DSCAM: variants seen among roughly 807,000 people sequenced by gnomAD.
DSCAM encodes the protein cell adhesion molecule DSCAM.
In DSCAM, 47 loss-of-function variants were observed where a neutral mutation model predicts 217.7. The ratio of observed to expected loss-of-function variants is 0.22; its 90% CI spans 0.17 to 0.28. DSCAM has a LOEUF of 0.28. Among genes scored for constraint, DSCAM ranks in the 10% least tolerant of loss-of-function variants. The pLI, the probability that DSCAM is intolerant of heterozygous loss-of-function variation, is 1.00. For synonymous variants in DSCAM, 1,056 were observed against 1,015.3 expected (o/e 1.04, Z -0.76); for missense variants, 2,080 against 2,618.3 (o/e 0.79, Z 4.49).
chr21:40,288,322 ACT>A (rs2123423020), intron 10 of DSCAM, among the ~76,000 whole-genome samples: 1 of 152,294 alleles, frequency 6.6e-6, no homozygotes, highest in South Asian at 2.1e-4. Flanking sequence ...GGCTGGGAAG[ACT>A]CAATATTCTA....
intron 8 of DSCAM, among the ~76,000 whole-genome samples, chr21:40,324,711 A>G (rs932401689): frequency 5.3e-5 from 8 of 152,216 alleles, no homozygotes; most frequent in Admixed American, 2.0e-4. Flanking sequence ...CCCCTGGTTG[A>G]GAGCAATAAT....
At chr21:40,111,940 G>A (rs1009873250) in intron 20 of DSCAM, among the ~76,000 whole-genome samples, 14 of 151,944 alleles carry the variant, frequency 9.2e-5, no homozygotes, top group Admixed American at 3.9e-4. Context: ...CCTACAAAGA[G>A]ACTTAGACTC....
intron 11 of DSCAM, among the ~76,000 whole-genome samples, chr21:40,243,283 A>C (rs1354406659): frequency 6.6e-6 from 1 of 152,246 alleles, no homozygotes; most frequent in African/African-American, 2.4e-5. Context: ...TGATTTTTTT[A>C]AAAATAAAAT....
intron 9 of DSCAM, among the ~76,000 whole-genome samples, chr21:40,296,851 A>G (rs1157377576): frequency 6.6e-6 from 1 of 151,738 alleles, no homozygotes; most frequent in Non-Finnish European, 1.5e-5. Flanking sequence ...AAAAAAAAAA[A>G]AAAAGTAGAT....
chr21:40,034,029 C>A (rs1419153856), intron 32 of DSCAM, among the ~76,000 whole-genome samples: 1 of 43,648 alleles, frequency 2.3e-5, no homozygotes, highest in Admixed American at 2.5e-4. Context: ...CCCATCTGTA[C>A]ATCACCATCA....
chr21:40,741,613 A>G (rs1228729663), intron 1 of DSCAM, among the ~76,000 whole-genome samples: 1 of 152,196 alleles, frequency 6.6e-6, no homozygotes, highest in Non-Finnish European at 1.5e-5. Flanking sequence ...AATTTAATGC[A>G]TGAAGTCTGA....
intron 16 of DSCAM, among the ~76,000 whole-genome samples, chr21:40,154,707 T>C (rs1205343353): frequency 1.3e-5 from 2 of 152,206 alleles, no homozygotes; most frequent in Admixed American, 6.5e-5. Flanking sequence ...AAGGATGAGA[T>C]GTCCACATTT....
intron 3 of DSCAM, among the ~76,000 whole-genome samples, chr21:40,495,364 A>G (rs1313851214): frequency 6.6e-6 from 1 of 152,202 alleles, no homozygotes; most frequent in East Asian, 1.9e-4. Context: ...GGTCCCTAGA[A>G]TGGAAGAATG....
intron 3 of DSCAM, among the ~76,000 whole-genome samples, chr21:40,444,082 C>G (rs886108931): frequency 7.9e-5 from 12 of 152,172 alleles, no homozygotes; most frequent in African/African-American, 2.9e-4. Flanking sequence ...CCCTCCTTGT[C>G]TTTCCAGCAT....
intron 21 of DSCAM, among the ~76,000 whole-genome samples, chr21:40,092,094 T>C (rs915989157): frequency 2.6e-5 from 4 of 152,190 alleles, no homozygotes; most frequent in Non-Finnish European, 5.9e-5. Flanking sequence ...TTTTCCCTGG[T>C]GGGTCCATGC....
At chr21:40,677,548 C>G (rs2090354245) in intron 3 of DSCAM, among the ~76,000 whole-genome samples, 1 of 152,018 alleles carries the variant, frequency 6.6e-6, no homozygotes, top group African/African-American at 2.4e-5. Context: ...CATGATCCCC[C>G]CAAAAAGTCA....
chr21:40,752,231 G>T (rs984810737), intron 1 of DSCAM, among the ~76,000 whole-genome samples: 2 of 152,158 alleles, frequency 1.3e-5, no homozygotes, highest in African/African-American at 4.8e-5. Context: ...ACTCTGTCAA[G>T]AATGGGTGCT....
At chr21:40,804,145 C>G (rs1030035541) in intron 1 of DSCAM, among the ~76,000 whole-genome samples, 1 of 152,196 alleles carries the variant, frequency 6.6e-6, no homozygotes, top group African/African-American at 2.4e-5. Context: ...CAGTACAAGG[C>G]CACTCCCCAA....
intron 3 of DSCAM, among the ~76,000 whole-genome samples, chr21:40,685,936 C>T (rs750679944): frequency 2.7e-5 from 2 of 73,972 alleles, no homozygotes; most frequent in African/African-American, 3.8e-5. Flanking sequence ...CTGAGGCAAA[C>T]AAAAACAAAA....
intron 1 of DSCAM, among the ~76,000 whole-genome samples, chr21:40,842,881 T>C (rs2092114509): frequency 2.6e-5 from 4 of 152,278 alleles, no homozygotes; most frequent in African/African-American, 9.6e-5. Context: ...CTGGCATTTA[T>C]TGAAGGTCTG....
chr21:40,487,695 G>T (rs544683378), intron 3 of DSCAM, among the ~76,000 whole-genome samples: 3 of 152,144 alleles, frequency 2.0e-5, no homozygotes, highest in Non-Finnish European at 4.4e-5. Flanking sequence ...TCTTAGAGAC[G>T]GAACCAGGGG....
Position 40,338,212 on chromosome 21 carries a change from T to C in DSCAM, c.1672A>G (p.Thr558Ala). ...HRQVAFENNG[T>A]LKLSDVQKEV... is the part of the protein sequence containing the mutation. ...TTTTGCACATCTGAAAGTTTAAGAG[T>C]TCCATTGTTCTCAAATGCCACTTGG... The change falls in exon 8 of 33, where the codon ACT becomes GCT. Residue 558 changes from threonine to alanine, a missense_variant. By Grantham distance (58) the Thr-to-Ala change is moderately conservative. This residue lies in a region of DSCAM where 218 missense variants were observed against 364.1 expected (regional missense o/e 0.60). Coordinates refer to ENST00000400454, the MANE Select transcript of DSCAM (RefSeq NM_001389.5). The C allele has an allele frequency of 1.2e-6, 2 of 1,614,246 alleles. No individual in the cohort carries two copies. The highest frequency in any genetic ancestry group is 1.7e-6 in the Non-Finnish European group (2 of 1,180,040).
At chr21:40,713,001 C>T (rs530573876) in intron 1 of DSCAM, among the ~76,000 whole-genome samples, 26 of 152,298 alleles carry the variant, frequency 1.7e-4, no homozygotes, top group Middle Eastern at 6.8e-3. Context: ...GATGGGCCCC[C>T]GATAAGACCC....
intron 1 of DSCAM, among the ~76,000 whole-genome samples, chr21:40,805,917 C>T (rs924278154): frequency 6.6e-6 from 1 of 152,022 alleles, no homozygotes; most frequent in Non-Finnish European, 1.5e-5. Context: ...ACCATGTTAG[C>T]CAGGATGGTC....
Sources: gnomAD v4.1 joint callset for allele counts (sites outside exome capture counted in the v4.1 genomes callset) on GRCh38, gnomAD v4.1.1 for gene constraint, gnomAD v4.1.1 regional missense constraint, MANE v1.5 for transcripts, NCBI Gene and HGNC (gene_info 2026-07-23, HGNC 2026-07-21) for gene names.